BRIP1: variants seen among roughly 807,000 people sequenced by gnomAD.
BRIP1 encodes BRCA1 interacting DNA helicase 1.
BRIP1 carries 88 observed loss-of-function variants against 119.7 expected under a neutral mutation model. The ratio of observed to expected loss-of-function variants is 0.74; its 90% CI spans 0.62 to 0.88. The LOEUF is 0.88. Among genes scored for constraint, BRIP1 ranks in the 40% least tolerant of loss-of-function variants. The pLI, the probability that BRIP1 is intolerant of heterozygous loss-of-function variation, is 0.00. For missense variants in BRIP1, 1,259 were observed against 1,455.4 expected, an observed-to-expected ratio of 0.87 and a Z score of 2.20; for synonymous variants, 443 against 496.5, an observed-to-expected ratio of 0.89 and a Z score of 1.43.
At chr17:61,813,277 C>T (rs983477722) in intron 6 of BRIP1, among the ~76,000 whole-genome samples, 1 of 151,180 alleles carries the variant, frequency 6.6e-6, no homozygotes, top group African/African-American at 2.5e-5. Flanking sequence ...AATACAAAAA[C>T]TTGTGTTCTT....
Position 61,827,496 on chromosome 17 carries a change from G to C in BRIP1, c.628-18739C>G, listed in dbSNP as rs925534089. On this transcript the variant is annotated intron_variant, in intron 6 of 19. Coordinates refer to ENST00000259008, the MANE Select transcript of BRIP1 (RefSeq NM_032043.3). This position sits in a 1 kb window ranked among gnomAD's most constrained non-coding sequence, Gnocchi z 5.8. ...GTAATCTCAGTACTTTGAGAGGTAAGGCAGGAGGATCACTTGAGACCAGAA... is the reference window on the plus strand; with the variant it reads ...GTAATCTCAGTACTTTGAGAGGTAACGCAGGAGGATCACTTGAGACCAGAA... Among the ~76,000 whole-genome samples, 2 of 152,172 alleles carry C rather than the reference G, an allele frequency of 1.3e-5. No homozygotes were observed. The highest frequency in any genetic ancestry group is 4.8e-5 in the African/African-American group (2 of 41,444).
At chr17:61,787,335 A>AAATATATACTATATAAAATATAT (rs2077740537) in intron 10 of BRIP1, among the ~76,000 whole-genome samples, 1 of 125,128 alleles carries the variant, frequency 8.0e-6, no homozygotes, top group Non-Finnish European at 1.6e-5. Flanking sequence ...AAATATATAA[A>AAATATATACTATATAAAATATAT]AATATATAAA....
Position 61,805,661 on chromosome 17 carries a change from A to G in BRIP1, c.918+2806T>C, listed in dbSNP as rs142761960. On this transcript the variant is annotated intron_variant, in intron 7 of 19. Coordinates refer to ENST00000259008, the MANE Select transcript of BRIP1 (RefSeq NM_032043.3). This position sits in a 1 kb window ranked among gnomAD's most constrained non-coding sequence, Gnocchi z 5.6. ...TAAGATTCCTTCTGACTCACTGACT[A>G]TATCATCTCTAAAATTCCTTCCAGC... Among the ~76,000 whole-genome samples the G allele has an allele frequency of 4.7e-3, 709 of 152,294 alleles. 2 individuals are homozygous for G. Among genetic ancestry groups the G allele is most frequent in the African/African-American group, 0.016 (682 of 41,548 alleles).
Position 61,814,720 on chromosome 17 carries a change from T to A in BRIP1, c.628-5963A>T, listed in dbSNP as rs538179178. Among the ~76,000 whole-genome samples the A allele has an allele frequency of 6.6e-5, 10 of 152,010 alleles. No individual in the cohort carries two copies. The highest frequency in any genetic ancestry group is 1.0e-4 in the Non-Finnish European group (7 of 67,916). On this transcript the variant is annotated intron_variant, in intron 6 of 19. Transcript: ENST00000259008. The surrounding 1 kb of genome is among the most constrained non-coding windows in gnomAD (Gnocchi z 4.9). Reference sequence around the variant, plus strand: ...TGACCCAGCATGACACTGTTAGGTATACATGCTAGAAAAACTCTTGCACAT... The same window carrying A: ...TGACCCAGCATGACACTGTTAGGTAAACATGCTAGAAAAACTCTTGCACAT...
chr17:61,685,494 G>A (rs996553957), intron 19 of BRIP1: 121 of 341,858 alleles, frequency 3.5e-4, no homozygotes, highest in African/African-American at 2.4e-3. Flanking sequence ...TTACAATGCT[G>A]TGATATTTAT....
At position 61,724,226 on chromosome 17, in the gene BRIP1, T is replaced by C. The variant is rs1057180067; in HGVS notation, c.2380-8163A>G. ...TTTAGAATTGGGTAAAAATACCCAA[T>C]AGACAGATGGCATTCAAGCAGAAGT... On this transcript the variant is annotated intron_variant, in intron 16 of 19. Transcript: ENST00000259008. The surrounding 1 kb of genome is among the most constrained non-coding windows in gnomAD (Gnocchi z 5.1). Among the ~76,000 whole-genome samples the C allele has an allele frequency of 6.6e-6, 1 of 152,074 alleles. No homozygotes were observed. Among genetic ancestry groups the C allele is most frequent in the African/African-American group, 2.4e-5 (1 of 41,422 alleles).
rs2061280500 is a variant in BRIP1 at position 61,682,308 on chromosome 17, TA to T, written c.*987del. The T allele has an allele frequency of 5.0e-6, 1 of 200,808 alleles. No individual in the cohort carries two copies. Among genetic ancestry groups the T allele is most frequent in the African/African-American group, 2.3e-5 (1 of 43,566 alleles). The allele number at this position is 200,808 out of a possible 1,614,324, so 12.4% of individuals were successfully genotyped here. On this transcript the variant is annotated 3_prime_UTR_variant, in exon 20 of 20. Transcript: ENST00000259008. This position sits in a 1 kb window ranked among gnomAD's most constrained non-coding sequence, Gnocchi z 4.9. ...ACCTTCTAGTCTAGTGTTTGGTACT[TA>T]TTACTCACTGATCCACTAGGAAAAA...
rs1224816333 is a variant in BRIP1, at chr17:61,756,074, T to C, written c.2098-11483A>G. ...ACAGGGGCTACATGCAAATTTGGAGTACAATTCTATAGCAAAAACATACTG... is the reference window on the plus strand; with the variant it reads ...ACAGGGGCTACATGCAAATTTGGAGCACAATTCTATAGCAAAAACATACTG... On this transcript the variant is annotated intron_variant, in intron 14 of 19. Transcript: ENST00000259008. This position sits in a 1 kb window ranked among gnomAD's most constrained non-coding sequence, Gnocchi z 4.3. 6.6e-6 allele frequency among the ~76,000 whole-genome samples: 1 copy of C among 152,138 alleles called. No individual in the cohort carries two copies. Among genetic ancestry groups the C allele is most frequent in the African/African-American group, 2.4e-5 (1 of 41,404 alleles).
chr17:61,840,903 G>A (rs894542475), intron 6 of BRIP1, among the ~76,000 whole-genome samples: 9 of 151,988 alleles, frequency 5.9e-5, no homozygotes, highest in African/African-American at 1.7e-4. Flanking sequence ...ATAGAGAACC[G>A]AGAAGTAAAT....
rs935479444 is a variant in BRIP1 at position 61,736,679 on chromosome 17, C to T, written c.2379+6334G>A. On this transcript the variant is annotated intron_variant, in intron 16 of 19. Transcript: ENST00000259008. The surrounding 1 kb of genome is among the most constrained non-coding windows in gnomAD (Gnocchi z 4.4). ...CAATTTTAACAACTTCTACTAAAAC[C>T]CCATTCAATCATTAACTAAAACATT... Among the ~76,000 whole-genome samples, 1 of 152,054 alleles carries T rather than the reference C, an allele frequency of 6.6e-6. No individual in the cohort carries two copies. Among genetic ancestry groups the T allele is most frequent in the Non-Finnish European group, 1.5e-5 (1 of 67,996 alleles).
intron 6 of BRIP1, among the ~76,000 whole-genome samples, chr17:61,812,470 G>A (rs914049558): frequency 3.9e-5 from 6 of 151,946 alleles, no homozygotes; most frequent in African/African-American, 1.5e-4. Flanking sequence ...AGACCTGTAA[G>A]TGGCTACACA....
chr17:61,836,304 C>T lies in BRIP1; in HGVS notation c.627+10797G>A, dbSNP rs73332532. ...TTTGTTTGTTTGTTTTTTGTAGAGACAGGGTCTTGCTATGTTGCCCAGGCT... is the reference window on the plus strand; with the variant it reads ...TTTGTTTGTTTGTTTTTTGTAGAGATAGGGTCTTGCTATGTTGCCCAGGCT... On this transcript the variant is annotated intron_variant, in intron 6 of 19. Coordinates refer to ENST00000259008, the MANE Select transcript of BRIP1 (RefSeq NM_032043.3). 2.9e-3 allele frequency among the ~76,000 whole-genome samples: 434 copies of T among 151,956 alleles called. 4 individuals carry two copies. The highest frequency in any genetic ancestry group is 1.0e-2 in the African/African-American group (413 of 41,436).
chr17:61,829,927 T>C (rs2078464076), intron 6 of BRIP1, among the ~76,000 whole-genome samples: 1 of 132,316 alleles, frequency 7.6e-6, no homozygotes, highest in Non-Finnish European at 1.5e-5. Flanking sequence ...TAAGTTTCAA[T>C]CTTTTTTTTT....
In BRIP1 at chr17:61,801,242, C is replaced by A. The variant is rs369153270; in HGVS notation, c.1140+11G>T. The A allele has an allele frequency of 6.2e-7, 1 of 1,600,248 alleles. No homozygotes were observed. The highest frequency in any genetic ancestry group is 2.2e-5 in the East Asian group (1 of 44,814). ...TAGGAAGAAGGTTCTCATTTTTACACATATACTCACACTTTCCCTTATTTG... is the reference window on the plus strand; with the variant it reads ...TAGGAAGAAGGTTCTCATTTTTACAAATATACTCACACTTTCCCTTATTTG... On this transcript the variant is annotated intron_variant, in intron 8 of 19. Transcript: ENST00000259008.
chr17:61,785,494 G>T (rs1337814006), intron 10 of BRIP1, among the ~76,000 whole-genome samples: 1 of 151,986 alleles, frequency 6.6e-6, no homozygotes, highest in Non-Finnish European at 1.5e-5. Flanking sequence ...GGATAAATAA[G>T]AAAGATACAT....
chr17:61,760,592 G>C lies in BRIP1; in HGVS notation c.2097+15809C>G, dbSNP rs147357937. Among the ~76,000 whole-genome samples the C allele has an allele frequency of 5.9e-5, 9 of 151,894 alleles. No homozygotes were observed. Among genetic ancestry groups the C allele is most frequent in the African/African-American group, 2.2e-4 (9 of 41,486 alleles). Reference sequence around the variant, plus strand: ...TTCAAATAAAATGAGAAACAAATGAGGAGATATTATAACTGATACCACAGA... The same window carrying C: ...TTCAAATAAAATGAGAAACAAATGACGAGATATTATAACTGATACCACAGA... On this transcript the variant is annotated intron_variant, in intron 14 of 19. Transcript: ENST00000259008. The surrounding 1 kb of genome is among the most constrained non-coding windows in gnomAD (Gnocchi z 4.6).
chr17:61,820,111 T>C (rs2145524433), intron 6 of BRIP1, among the ~76,000 whole-genome samples: 1 of 151,982 alleles, frequency 6.6e-6, no homozygotes, highest in Middle Eastern at 3.4e-3. Context: ...ATTCAACTAA[T>C]ATTTAGATGA....
At position 61,693,583 on chromosome 17, in the gene BRIP1, CA is replaced by C; in HGVS notation, c.2493-72del. 7.6e-7 allele frequency: 1 copy of C among 1,318,622 alleles called. No individual in the cohort carries two copies. 81.7% of individuals were successfully genotyped at this position (1,318,622 alleles called of 1,614,324 possible). Reference sequence around the variant, plus strand: ...AAATCCAGTTTTCCAGTGGGACAGACAGAAAATTGGAAAAAAATCAATTTTA... The same window carrying C: ...AAATCCAGTTTTCCAGTGGGACAGACGAAAATTGGAAAAAAATCAATTTTA... On this transcript the variant is annotated intron_variant, in intron 17 of 19. Transcript: ENST00000259008. The surrounding 1 kb of genome is among the most constrained non-coding windows in gnomAD (Gnocchi z 4.2).
intron 6 of BRIP1, among the ~76,000 whole-genome samples, chr17:61,818,041 T>C (rs533762038): frequency 6.6e-6 from 1 of 152,136 alleles, no homozygotes; most frequent in South Asian, 2.1e-4. Context: ...TAAGTGAGAA[T>C]AACCAAAACT....
Sources: allele counts gnomAD v4.1 joint callset (sites outside exome capture counted in the v4.1 genomes callset), GRCh38; gene constraint gnomAD v4.1.1; non-coding constraint Gnocchi (gnomAD v3.1); transcripts MANE v1.5; gene names NCBI Gene and HGNC (gene_info 2026-07-23, HGNC 2026-07-21).